Variants in RBM27 observed in about 807,000 individuals in gnomAD.
The protein encoded by RBM27 is RNA binding motif protein 27.
Under a neutral mutation model 135.3 loss-of-function variants are expected in RBM27, and 22 were observed. The ratio of observed to expected loss-of-function variants is 0.16; its 90% confidence interval spans 0.12 to 0.23. RBM27 has a LOEUF of 0.23. Ranked by LOEUF, RBM27 falls within the 10% of genes least tolerant of loss-of-function variation. RBM27 has a pLI of 1.00. For synonymous variants in RBM27, 481 were observed against 442.4 expected, an observed-to-expected ratio of 1.09 and a Z score of -1.10; for missense variants, 1,009 against 1,281.0, an observed-to-expected ratio of 0.79 and a Z score of 3.24.
chr5:146,249,552 T>C (rs1441330976), intron 8 of RBM27, among the ~76,000 whole-genome samples: 2 of 151,362 alleles, frequency 1.3e-5, no homozygotes, highest in Non-Finnish European at 2.9e-5. Context: ...CTGGGCGTGG[T>C]GGTGGGCACC....
intron 8 of RBM27, among the ~76,000 whole-genome samples, chr5:146,242,047 C>T (rs1286923356): frequency 1.3e-5 from 2 of 152,016 alleles, no homozygotes; most frequent in Non-Finnish European, 2.9e-5. Flanking sequence ...GCCTCAGCTT[C>T]CCGAAGTGCT....
chr5:146,207,571 A>G (rs1161086600), intron 1 of RBM27, among the ~76,000 whole-genome samples: 1 of 151,292 alleles, frequency 6.6e-6, no homozygotes, highest in African/African-American at 2.4e-5. Flanking sequence ...AGTAAATTAA[A>G]TTTATGAAAG....
At chr5:146,228,090 C>T (rs1438898986) in intron 3 of RBM27, among the ~76,000 whole-genome samples, 1 of 152,150 alleles carries the variant, frequency 6.6e-6, no homozygotes, top group Admixed American at 6.5e-5. Flanking sequence ...CCATTCCCTA[C>T]TTTAACATTA....
At position 146,245,782 on chromosome 5, in the gene RBM27, G is replaced by A. The variant is rs777950517; in HGVS notation, c.1280-5929G>A. Among the ~76,000 whole-genome samples the A allele has an allele frequency of 5.7e-4, 87 of 152,018 alleles. 1 individual carries two copies. Among genetic ancestry groups the A allele is most frequent in the Admixed American group, 1.2e-3 (18 of 15,254 alleles). On this transcript the variant is annotated intron_variant, in intron 8 of 20. Coordinates refer to ENST00000265271, the MANE Select transcript of RBM27 (RefSeq NM_018989.2). ...TGCGCATATGAAGGATCTGAGTTGC[G>A]CATTCTTTATGAGAATCTAATGCCT... is the stretch of plus-strand genomic sequence containing the variant.
chr5:146,246,721 A>G (rs1231709325), intron 8 of RBM27, among the ~76,000 whole-genome samples: 1 of 152,144 alleles, frequency 6.6e-6, no homozygotes, highest in Admixed American at 6.5e-5. Context: ...TATGATGGAA[A>G]ATTTCAAATA....
At chr5:146,265,452 T>C (rs1758573676) in intron 14 of RBM27, among the ~76,000 whole-genome samples, 4 of 152,196 alleles carry the variant, frequency 2.6e-5, no homozygotes, top group Non-Finnish European at 5.9e-5. Flanking sequence ...TATTTAAATC[T>C]TGTGGTTATG....
At chr5:146,222,261 C>G (rs910481114) in intron 2 of RBM27, among the ~76,000 whole-genome samples, 1 of 152,160 alleles carries the variant, frequency 6.6e-6, no homozygotes, top group Admixed American at 6.5e-5. Context: ...GAAAAGATAA[C>G]ATTTTAGAAA....
intron 1 of RBM27, among the ~76,000 whole-genome samples, chr5:146,209,335 G>A (rs921783940): frequency 6.6e-6 from 1 of 152,156 alleles, no homozygotes; most frequent in Non-Finnish European, 1.5e-5. Flanking sequence ...AGGTCCTATA[G>A]GTAGGAACAG....
intron 14 of RBM27, among the ~76,000 whole-genome samples, chr5:146,265,237 T>G (rs1360615917): frequency 6.6e-6 from 1 of 152,166 alleles, no homozygotes. Flanking sequence ...ATGTAGTATA[T>G]CTACACAGTA....
At chr5:146,223,649 A>G (rs971406825) in intron 3 of RBM27, 122 bp downstream of exon 3, 12 of 1,124,804 alleles carry the variant, frequency 1.1e-5, no homozygotes, top group African/African-American at 3.2e-5. Flanking sequence ...GATTTTAGGC[A>G]TGGTACAGAT....
At chr5:146,245,258 C>T (rs1757575574) in intron 8 of RBM27, 1 of 152,066 alleles carries the variant, frequency 6.6e-6, no homozygotes, top group South Asian at 2.1e-4. Context: ...CCACTGCAGC[C>T]TCCAAGTTTG....
intron 4 of RBM27, 30 bp downstream of exon 4, chr5:146,229,067 T>C (rs375700651): frequency 1.5e-5 from 23 of 1,571,170 alleles, no homozygotes; most frequent in Non-Finnish European, 1.9e-5. Flanking sequence ...TAGGAAGACA[T>C]TGATAACTCA....
chr5:146,217,322 A>G (rs936323333), intron 1 of RBM27, among the ~76,000 whole-genome samples: 1 of 152,138 alleles, frequency 6.6e-6, no homozygotes, highest in Non-Finnish European at 1.5e-5. Flanking sequence ...AATATTGACA[A>G]CAAAAAAAGT....
In RBM27 at chr5:146,243,462, A is replaced by G. The variant is rs899331454; in HGVS notation, c.1279+6030A>G. Among the ~76,000 whole-genome samples, 6 of 152,174 alleles carry G rather than the reference A, an allele frequency of 3.9e-5. 1 individual carries two copies. The highest frequency in any genetic ancestry group is 1.3e-4 in the Admixed American group (2 of 15,270). On this transcript the variant is annotated intron_variant, in intron 8 of 20. Coordinates refer to ENST00000265271, the MANE Select transcript of RBM27 (RefSeq NM_018989.2). ...CTCAAAGGAATTACTTACTCATTGA[A>G]GCATTTTGGATTTTGGATTTTAAGA... is the stretch of plus-strand genomic sequence containing the variant.
At chr5:146,265,667 C>T (rs1470294879) in intron 14 of RBM27, among the ~76,000 whole-genome samples, 1 of 152,110 alleles carries the variant, frequency 6.6e-6, no homozygotes, top group Non-Finnish European at 1.5e-5. Context: ...ATGATGTATT[C>T]CTAATGTGAT....
chr5:146,258,205 T>C (rs1758207246), intron 10 of RBM27, among the ~76,000 whole-genome samples: 1 of 152,190 alleles, frequency 6.6e-6, no homozygotes, highest in Non-Finnish European at 1.5e-5. Context: ...CACCAATATT[T>C]TTTTCATCTA....
At chr5:146,261,858 A>G (rs2126854819) in intron 13 of RBM27, 52 bp downstream of exon 13, 1 of 1,580,994 alleles carries the variant, frequency 6.3e-7, no homozygotes, top group East Asian at 2.2e-5. Flanking sequence ...CCTCTAGATC[A>G]GTATTTTTCA....
intron 10 of RBM27, among the ~76,000 whole-genome samples, chr5:146,255,983 A>G (rs1758083373): frequency 6.6e-6 from 1 of 150,918 alleles, no homozygotes. Context: ...TGCCTCCTGA[A>G]TAGCTGAGAT....
intron 2 of RBM27, among the ~76,000 whole-genome samples, chr5:146,222,701 A>G (rs1015783361): frequency 6.6e-6 from 1 of 152,166 alleles, no homozygotes; most frequent in Non-Finnish European, 1.5e-5. Flanking sequence ...AACAAACAAA[A>G]AAAAGCAGTA....
Sources: gnomAD v4.1 joint callset for allele counts (sites outside exome capture counted in the v4.1 genomes callset) on GRCh38, gnomAD v4.1.1 for gene constraint, MANE v1.5 for transcripts, NCBI Gene and HGNC (gene_info 2026-07-23, HGNC 2026-07-21) for gene names.